FMNL3: variants seen among roughly 807,000 people sequenced by gnomAD.
FMNL3 encodes the protein formin-like protein 3.
Under a neutral mutation model 119.6 loss-of-function variants are expected in FMNL3, and 57 were observed. That is an observed-to-expected ratio of 0.48 (90% confidence interval 0.39 to 0.59). The LOEUF (loss-of-function observed/expected upper bound fraction) is 0.59. FMNL3 is among the 20% of genes least tolerant of loss of function. FMNL3 has a pLI of 0.00. For synonymous variants in FMNL3, 491 were observed against 507.3 expected (o/e 0.97, Z 0.43); for missense variants, 1,053 against 1,323.5 (o/e 0.80, Z 3.17).
Position 49,668,562 on chromosome 12 carries a change from G to A in FMNL3, c.127-8C>T. 1.2e-6 allele frequency: 2 copies of A among 1,613,816 alleles called. No individual in the cohort carries two copies. Among genetic ancestry groups the A allele is most frequent in the Non-Finnish European group, 8.5e-7 (1 of 1,179,762 alleles). ...AGGCAGGTTCATGGAGCTCTGAGGA[G>A]AGAACCTGAGTCAACAAGGCTGAAA... is the stretch of plus-strand genomic sequence containing the variant. On this transcript the variant is annotated splice_region_variant and splice_polypyrimidine_tract_variant and intron_variant, in intron 1 of 25. Coordinates refer to ENST00000335154, the MANE Select transcript of FMNL3 (RefSeq NM_175736.5).
At chr12:49,703,052 G>A (rs1944952184) in intron 1 of FMNL3, among the ~76,000 whole-genome samples, 1 of 152,176 alleles carries the variant, frequency 6.6e-6, no homozygotes, top group Non-Finnish European at 1.5e-5. Context: ...AACTGCAGCA[G>A]GGATAGCTCC....
At position 49,647,083 on chromosome 12, in the gene FMNL3, A is replaced by C; in HGVS notation, c.2872-74T>G. 1 of 1,604,204 alleles carries C rather than the reference A, an allele frequency of 6.2e-7. No individual in the cohort carries two copies. The highest frequency in any genetic ancestry group is 8.5e-7 in the Non-Finnish European group (1 of 1,173,570). On this transcript the variant is annotated intron_variant, in intron 24 of 25. Transcript: ENST00000335154. This position sits in a 1 kb window ranked among gnomAD's most constrained non-coding sequence, Gnocchi z 4.9. ...GGGACTGGTTCCTGCCCCAAGGTGC[A>C]GTCTGAGGATGCCACTGCTTGTGCA...
chr12:49,679,391 C>T (rs190369554), intron 1 of FMNL3, among the ~76,000 whole-genome samples: 102 of 152,218 alleles, frequency 6.7e-4, no homozygotes, highest in African/African-American at 2.3e-3. Flanking sequence ...CCATCTCAAC[C>T]TTCCTCATGG....
chr12:49,646,963 TCTG>T lies in FMNL3; in HGVS notation c.2915_2917del (p.Ala972del). ...TTCCTTGGCCTGGCGCCGCCTCAAC[TCTG>T]CTATTAACTCCTGCTGTTGCCACTT... On this transcript the variant is annotated inframe_deletion, in exon 25 of 26. Transcript: ENST00000335154. 6.2e-7 allele frequency: 1 copy of T among 1,614,102 alleles called. No homozygotes were observed. The highest frequency in any genetic ancestry group is 8.5e-7 in the Non-Finnish European group (1 of 1,180,000).
In FMNL3 at chr12:49,647,794, T is replaced by C; in HGVS notation, c.2687A>G (p.Asn896Ser). The stretch of plus-strand genomic sequence containing the variant: ...CTCGCCAAAGTAGCGCACAACTGCA[T>C]TGTAGGCCTCCTGGGGAAGGGGTGG... ...RDAKTAEEAY[N>S]AVVRYFGESP... Residue 896 changes from asparagine to serine, a missense_variant, in exon 23 of 26, where the codon AAT becomes AGT. Transcript: ENST00000335154. The surrounding 1 kb of genome is among the most constrained non-coding windows in gnomAD (Gnocchi z 4.9). 3 of 1,613,934 alleles carry C rather than the reference T, an allele frequency of 1.9e-6. No individual in the cohort carries two copies. The highest frequency in any genetic ancestry group is 8.5e-7 in the Non-Finnish European group (1 of 1,179,822).
chr12:49,666,449 A>G (rs1263390439), intron 2 of FMNL3, among the ~76,000 whole-genome samples: 2 of 152,180 alleles, frequency 1.3e-5, no homozygotes, highest in African/African-American at 2.4e-5. Context: ...ATGTTTTTCT[A>G]TGTCAAAAAG....
At position 49,668,531 on chromosome 12, in the gene FMNL3, G is replaced by T; in HGVS notation, c.150C>A (p.Asp50Glu). The change falls in exon 2 of 26, where the codon GAC (aspartate) becomes GAA (glutamate). Residue 50 changes from aspartate (D) to glutamate (E), a missense_variant. Transcript: ENST00000335154. ...LVLSSMNLPPDKARLLRQYDN... is the reference protein window; with the variant it reads ...LVLSSMNLPPEKARLLRQYDN... ...CATACTGCCGCAGGAGCCGGGCCTT[G>T]TCTGGAGGCAGGTTCATGGAGCTCT... 1 of 1,614,140 alleles carries T rather than the reference G, an allele frequency of 6.2e-7. No individual in the cohort carries two copies. Among genetic ancestry groups the T allele is most frequent in the South Asian group, 1.1e-5 (1 of 91,082 alleles).
At chr12:49,655,226 G>A (rs1353362874) in intron 9 of FMNL3, among the ~76,000 whole-genome samples, 2 of 152,338 alleles carry the variant, frequency 1.3e-5, no homozygotes, top group South Asian at 2.1e-4. Context: ...GAGGTTAGGA[G>A]TTCAAGAACA....
chr12:49,700,335 T>C (rs1478848910), intron 1 of FMNL3, among the ~76,000 whole-genome samples: 1 of 137,812 alleles, frequency 7.3e-6, no homozygotes, highest in African/African-American at 2.8e-5. Flanking sequence ...GAGCTTGTAG[T>C]GAGCCGAGAT....
intron 4 of FMNL3, among the ~76,000 whole-genome samples, chr12:49,664,507 C>G (rs1438473001): frequency 1.3e-5 from 2 of 152,154 alleles, no homozygotes; most frequent in East Asian, 3.9e-4. Context: ...AGGTAGCACT[C>G]AGGGTTGCCA....
At position 49,680,538 on chromosome 12, in the gene FMNL3, G is replaced by A. The variant is rs528538212; in HGVS notation, c.127-11984C>T. 6.4e-4 allele frequency among the ~76,000 whole-genome samples: 97 copies of A among 152,324 alleles called. 1 individual carries two copies. The highest frequency in any genetic ancestry group is 2.3e-3 in the African/African-American group (95 of 41,568). On this transcript the variant is annotated intron_variant, in intron 1 of 25. Coordinates refer to ENST00000335154, the MANE Select transcript of FMNL3 (RefSeq NM_175736.5). ...GTCCCCTCTCACGCTTTGAAGGCTAGAACTTGACATAGAGGTCTAGGCTAC... is the reference window on the plus strand; with the variant it reads ...GTCCCCTCTCACGCTTTGAAGGCTAAAACTTGACATAGAGGTCTAGGCTAC...
rs779145605 is a variant in FMNL3, at chr12:49,642,638, G to A, written c.*3177C>T. 10 of 1,614,068 alleles carry A rather than the reference G, an allele frequency of 6.2e-6. No homozygotes were observed. The highest frequency in any genetic ancestry group is 2.2e-5 in the South Asian group (2 of 91,070). On this transcript the variant is annotated 3_prime_UTR_variant, in exon 26 of 26. Transcript: ENST00000335154. The surrounding 1 kb of genome is among the most constrained non-coding windows in gnomAD (Gnocchi z 5.8). ...GAGCAGATCACCCTGGAGTCGGAGCGGATCCGGCTCTTCCGGGAGTTCCTA... is the reference window on the plus strand; with the variant it reads ...GAGCAGATCACCCTGGAGTCGGAGCAGATCCGGCTCTTCCGGGAGTTCCTA...
chr12:49,636,713 T>C lies in FMNL3; in HGVS notation c.*9102A>G. The C allele has an allele frequency of 2.5e-6, 4 of 1,613,988 alleles. No individual in the cohort carries two copies. The highest frequency in any genetic ancestry group is 1.7e-6 in the Non-Finnish European group (2 of 1,179,922). On this transcript the variant is annotated 3_prime_UTR_variant, in exon 26 of 26. Transcript: ENST00000335154. ...GCCCGCGGAACCTCCTGCCTGTCTT[T>C]AGACATGGACAAGGAAGATGCACTG...
Position 49,637,967 on chromosome 12 carries a change from G to T in FMNL3, c.*7848C>A. On this transcript the variant is annotated 3_prime_UTR_variant, in exon 26 of 26. Coordinates refer to ENST00000335154, the MANE Select transcript of FMNL3 (RefSeq NM_175736.5). ...TACTGTGATCCTTTACTGCACACTA[G>T]GGATACAGTAATGAATACACAATTT... The T allele has an allele frequency of 1.5e-6, 1 of 650,894 alleles. No homozygotes were observed. The highest frequency in any genetic ancestry group is 2.7e-6 in the Non-Finnish European group (1 of 366,930). The allele number at this position is 650,894 out of a possible 1,614,324, so 40.3% of individuals were successfully genotyped here. A position where few individuals can be genotyped will look rare whatever the true frequency, so the allele number is the denominator to read the frequency against.
intron 1 of FMNL3, among the ~76,000 whole-genome samples, chr12:49,678,391 C>T (rs1281475333): frequency 1.5e-4 from 23 of 151,912 alleles, no homozygotes; most frequent in Non-Finnish European, 4.4e-5. Context: ...CTCCTGACCT[C>T]GTGATCCACC....
chr12:49,642,685 G>A lies in FMNL3; in HGVS notation c.*3130C>T. 1 of 1,612,756 alleles carries A rather than the reference G, an allele frequency of 6.2e-7. No homozygotes were observed. Among genetic ancestry groups the A allele is most frequent in the Non-Finnish European group, 8.5e-7 (1 of 1,179,392 alleles). Reference sequence around the variant, plus strand: ...CCTACAGGTGCTGGAGGTGAGGCAGGCTTGTCCTCTGGATCTGCCTCAGGC... The same window carrying A: ...CCTACAGGTGCTGGAGGTGAGGCAGACTTGTCCTCTGGATCTGCCTCAGGC... On this transcript the variant is annotated 3_prime_UTR_variant, in exon 26 of 26. Coordinates refer to ENST00000335154, the MANE Select transcript of FMNL3 (RefSeq NM_175736.5). The surrounding 1 kb of genome is among the most constrained non-coding windows in gnomAD (Gnocchi z 5.8).
Position 49,637,065 on chromosome 12 carries a change from C to T in FMNL3, c.*8750G>A. On this transcript the variant is annotated 3_prime_UTR_variant, in exon 26 of 26. Coordinates refer to ENST00000335154, the MANE Select transcript of FMNL3 (RefSeq NM_175736.5). ...TAGGGAGACTAGATGTATGCACCAC[C>T]CAGAAACTGCCAGTAGAGAGCACCC... 1.4e-6 allele frequency: 1 copy of T among 690,348 alleles called. No individual in the cohort carries two copies. The highest frequency in any genetic ancestry group is 1.9e-5 in the South Asian group (1 of 51,358). 42.8% of individuals were successfully genotyped at this position (690,348 alleles called of 1,614,324 possible).
intron 9 of FMNL3, among the ~76,000 whole-genome samples, chr12:49,656,173 G>A (rs2138778875): frequency 6.6e-6 from 1 of 152,232 alleles, no homozygotes; most frequent in South Asian, 2.1e-4. Flanking sequence ...ATAGCCCTCA[G>A]CTAGCTGAGG....
At chr12:49,684,968 C>T (rs891128041) in intron 1 of FMNL3, among the ~76,000 whole-genome samples, 1 of 152,240 alleles carries the variant, frequency 6.6e-6, no homozygotes, top group African/African-American at 2.4e-5. Flanking sequence ...CAAAGATGCT[C>T]TTTCCTGGTC....
Sources: allele counts gnomAD v4.1 joint callset (sites outside exome capture counted in the v4.1 genomes callset), GRCh38; gene constraint gnomAD v4.1.1; non-coding constraint Gnocchi (gnomAD v3.1); transcripts MANE v1.5; gene names NCBI Gene and HGNC (gene_info 2026-07-23, HGNC 2026-07-21).